RIMS2: variants seen among roughly 807,000 people sequenced by gnomAD.
RIMS2 encodes the protein regulating synaptic membrane exocytosis protein 2.
In RIMS2, 59 loss-of-function variants were observed where a neutral mutation model predicts 174.4. The observed-to-expected ratio is 0.34, with a 90% CI of 0.27 to 0.42. The LOEUF (loss-of-function observed/expected upper bound fraction) is 0.42, where lower values mean the gene tolerates loss of function less well. Ranked by LOEUF, RIMS2 falls within the 10% of genes least tolerant of loss-of-function variation. The probability of loss-of-function intolerance (pLI) is 1.00; values close to 1 mark genes in which losing one functional copy is unlikely to be tolerated. For missense variants in RIMS2, 1,620 were observed against 1,666.3 expected (o/e 0.97, Z 0.48); for synonymous variants, 606 against 572.5 (o/e 1.06, Z -0.84).
At chr8:104,155,489 C>CT (rs1418845662) in intron 19 of RIMS2, among the ~76,000 whole-genome samples, 1 of 141,214 alleles carries the variant, frequency 7.1e-6, no homozygotes, top group Non-Finnish European at 1.5e-5. Context: ...TCTCGGCTCA[C>CT]TGCAAGCTCC....
chr8:103,862,715 T>C (rs1472741902), intron 3 of RIMS2, among the ~76,000 whole-genome samples: 2 of 152,108 alleles, frequency 1.3e-5, no homozygotes, highest in Non-Finnish European at 2.9e-5. Context: ...CTAGGTATTT[T>C]ATTTTGTTGT....
At chr8:104,176,392 A>C (rs1209197509) in intron 19 of RIMS2, among the ~76,000 whole-genome samples, 2 of 152,124 alleles carry the variant, frequency 1.3e-5, no homozygotes, top group East Asian at 3.9e-4. Flanking sequence ...AAGCTGGACC[A>C]CCTACCACTA....
chr8:104,093,650 G>C lies in RIMS2; in HGVS notation c.3334+79035G>C. On this transcript the variant is annotated intron_variant, in intron 19 of 23. Transcript: ENST00000504942. ...GAGGAAACAAGAAAATCAGGTAAGG[G>C]GATTTCAACAACAAACTTCTCTAAA... The C allele has an allele frequency of 6.3e-7, 1 of 1,583,924 alleles. No individual in the cohort carries two copies. The highest frequency in any genetic ancestry group is 8.5e-7 in the Non-Finnish European group (1 of 1,172,088).
intron 19 of RIMS2, among the ~76,000 whole-genome samples, chr8:104,078,488 T>C (rs2097343241): frequency 1.3e-5 from 2 of 152,266 alleles, no homozygotes; most frequent in East Asian, 3.9e-4. Flanking sequence ...AATCTCTTCT[T>C]ATAAGGACAC....
chr8:103,956,112 C>T lies in RIMS2; in HGVS notation c.2702-4953C>T, dbSNP rs148777913. Among the ~76,000 whole-genome samples, 1,386 of 152,258 alleles carry T rather than the reference C, an allele frequency of 9.1e-3. 83 individuals carry two copies. The highest frequency in any genetic ancestry group is 0.083 in the Admixed American group (1,269 of 15,286). On this transcript the variant is annotated intron_variant, in intron 14 of 23. Coordinates refer to ENST00000504942, the Ensembl canonical transcript of RIMS2. ...TCAAGGAAGTAAGAGAGGACACAAACAAATGGAAAAACATTCCATGCTCAT... is the reference window on the plus strand; with the variant it reads ...TCAAGGAAGTAAGAGAGGACACAAATAAATGGAAAAACATTCCATGCTCAT...
rs772507628 is a variant in RIMS2 at position 103,845,189 on chromosome 8, CA to C, written c.699-40108del. On this transcript the variant is annotated intron_variant, in intron 3 of 23. Coordinates refer to ENST00000504942, the Ensembl canonical transcript of RIMS2. ...AATAGTCAAAGATCCTTTTTTAAAA[CA>C]TTTTTTACACATCCAAAATCTCTTG... Among the ~76,000 whole-genome samples the C allele has an allele frequency of 6.1e-3, 934 of 152,050 alleles. 11 individuals are homozygous for C. The highest frequency in any genetic ancestry group is 0.021 in the African/African-American group (884 of 41,510).
intron 1 of RIMS2, among the ~76,000 whole-genome samples, chr8:103,576,632 A>G (rs1029481881): frequency 1.2e-4 from 19 of 152,208 alleles, no homozygotes; most frequent in Non-Finnish European, 2.2e-4. Context: ...TCCTAAGTAA[A>G]AAGAACAAAG....
chr8:103,766,554 A>T lies in RIMS2; in HGVS notation c.698+17A>T. The T allele has an allele frequency of 6.5e-7, 1 of 1,546,432 alleles. No individual in the cohort carries two copies. Among genetic ancestry groups the T allele is most frequent in the Non-Finnish European group, 8.8e-7 (1 of 1,130,302 alleles). On this transcript the variant is annotated intron_variant, in intron 3 of 23. Transcript: ENST00000504942. ...TTCAGACAGGTAAACATTTTGTTTA[A>T]TCTTTAGGCAAATGTATTACTTTTA...
intron 2 of RIMS2, among the ~76,000 whole-genome samples, chr8:103,733,125 G>C (rs1345016163): frequency 6.6e-6 from 1 of 152,016 alleles, no homozygotes. Context: ...CTGGGTTCAA[G>C]GGCCCTTTAG....
intron 19 of RIMS2, among the ~76,000 whole-genome samples, chr8:104,235,683 T>A (rs1364378186): frequency 6.6e-6 from 1 of 152,062 alleles, no homozygotes; most frequent in Non-Finnish European, 1.5e-5. Context: ...TTCACATACA[T>A]ACACCACATA....
intron 1 of RIMS2, among the ~76,000 whole-genome samples, chr8:103,580,835 T>TTTTC (rs1348367432): frequency 6.9e-6 from 1 of 145,364 alleles, no homozygotes. Context: ...CTTTTTTTTT[T>TTTTC]TTTTTTTTTT....
At chr8:103,582,573 T>C (rs2093679003) in intron 1 of RIMS2, among the ~76,000 whole-genome samples, 1 of 152,000 alleles carries the variant, frequency 6.6e-6, no homozygotes. Flanking sequence ...GAAGGGTGAG[T>C]CCCAGGCCAG....
intron 4 of RIMS2, among the ~76,000 whole-genome samples, chr8:103,889,060 TTA>T (rs1445811941): frequency 6.6e-6 from 1 of 151,610 alleles, no homozygotes; most frequent in Non-Finnish European, 1.5e-5. Flanking sequence ...AGAGATTGAG[TTA>T]TGTCTTGACT....
intron 1 of RIMS2, among the ~76,000 whole-genome samples, chr8:103,574,329 A>G (rs1003774586): frequency 2.0e-5 from 3 of 152,138 alleles, no homozygotes; most frequent in African/African-American, 7.2e-5. Context: ...CTTTATAGCA[A>G]TGAATCTTCA....
chr8:104,008,652 TCTC>T (rs2095663455), intron 17 of RIMS2, among the ~76,000 whole-genome samples: 1 of 151,940 alleles, frequency 6.6e-6, no homozygotes, highest in African/African-American at 2.4e-5. Context: ...TGAGAATACT[TCTC>T]TTTTTGATAA....
intron 3 of RIMS2, among the ~76,000 whole-genome samples, chr8:103,816,104 A>G (rs1202741560): frequency 6.6e-6 from 1 of 152,222 alleles, no homozygotes; most frequent in African/African-American, 2.4e-5. Flanking sequence ...CACGTTATCT[A>G]TAAACATTCT....
At chr8:103,926,418 G>A (rs952244750) in intron 10 of RIMS2, among the ~76,000 whole-genome samples, 1 of 151,424 alleles carries the variant, frequency 6.6e-6, no homozygotes, top group African/African-American at 2.4e-5. Context: ...TAAAAAGGAA[G>A]ACAGCTTAGA....
downstream of RIMS2, chr8:104,255,846 G>C (rs1485073897): frequency 1.3e-5 from 2 of 152,190 alleles, no homozygotes; most frequent in African/African-American, 4.8e-5. Context: ...CTTTGCAAGA[G>C]AGAATTTTTT....
chr8:103,728,947 C>T (rs1252358877), intron 2 of RIMS2, among the ~76,000 whole-genome samples: 1 of 151,870 alleles, frequency 6.6e-6, no homozygotes, highest in Admixed American at 6.6e-5. Context: ...GATGAATAAT[C>T]TTTCTAATGT....
Sources: allele counts gnomAD v4.1 joint callset (sites outside exome capture counted in the v4.1 genomes callset), GRCh38; gene constraint gnomAD v4.1.1; transcripts MANE v1.5; gene names NCBI Gene and HGNC (gene_info 2026-07-23, HGNC 2026-07-21).